The following TRPM3 variants were observed in gnomAD, a reference collection of about 807,000 sequenced individuals.
TRPM3 encodes the protein long transient receptor potential channel 3.
Under a neutral mutation model 181.2 loss-of-function variants are expected in TRPM3, and 77 were observed. The ratio of observed to expected loss-of-function variants is 0.42; its 90% confidence interval spans 0.35 to 0.51. The LOEUF (loss-of-function observed/expected upper bound fraction) is 0.51, where lower values mean the gene tolerates loss of function less well. Among genes scored for constraint, TRPM3 ranks in the 20% least tolerant of loss-of-function variants. TRPM3 has a pLI of 0.01. For synonymous variants in TRPM3, 745 were observed against 796.4 expected, an observed-to-expected ratio of 0.94 and a Z score of 1.09; for missense variants, 1,759 against 2,196.7, an observed-to-expected ratio of 0.80 and a Z score of 3.98.
intron 1 of TRPM3, among the ~76,000 whole-genome samples, chr9:71,115,081 T>C (rs2072030418): frequency 1.3e-5 from 2 of 152,230 alleles, no homozygotes; most frequent in Admixed American, 6.5e-5. Context: ...GATTACATTC[T>C]GAAAATCTGA....
intron 1 of TRPM3, among the ~76,000 whole-genome samples, chr9:71,408,998 C>T (rs1363968241): frequency 6.6e-6 from 1 of 152,102 alleles, no homozygotes; most frequent in Admixed American, 6.6e-5. Flanking sequence ...CATATCCAGC[C>T]AAACTAAGTA....
At chr9:70,905,520 T>G (rs1018919438) in intron 1 of TRPM3, among the ~76,000 whole-genome samples, 1 of 152,168 alleles carries the variant, frequency 6.6e-6, no homozygotes, top group Admixed American at 6.6e-5. Flanking sequence ...TATTTCATAT[T>G]TTTTCAAAAT....
intron 3 of TRPM3, among the ~76,000 whole-genome samples, chr9:70,861,397 C>T (rs2095516036): frequency 6.6e-6 from 1 of 152,124 alleles, no homozygotes; most frequent in African/African-American, 2.4e-5. Flanking sequence ...ATATCTGACA[C>T]TAACTCTTAA....
At chr9:70,893,468 T>C (rs981499036) in intron 1 of TRPM3, among the ~76,000 whole-genome samples, 6 of 152,192 alleles carry the variant, frequency 3.9e-5, no homozygotes, top group African/African-American at 9.7e-5. Context: ...AAATATGTTA[T>C]GATGATGCTA....
intron 9 of TRPM3, among the ~76,000 whole-genome samples, chr9:70,654,583 T>C (rs776076215): frequency 9.9e-5 from 15 of 151,984 alleles, no homozygotes; most frequent in East Asian, 1.9e-4. Context: ...ACAAAACCCC[T>C]AGGCCACAGC....
At chr9:70,841,964 T>G (rs1229594977) in intron 5 of TRPM3, among the ~76,000 whole-genome samples, 2 of 151,880 alleles carry the variant, frequency 1.3e-5, no homozygotes, top group Non-Finnish European at 2.9e-5. Flanking sequence ...AATCACCTGT[T>G]GGGTACGATG....
At position 70,781,464 on chromosome 9, in the gene TRPM3, C is replaced by G. The variant is rs186584675; in HGVS notation, c.1148+2641G>C. On this transcript the variant is annotated intron_variant, in intron 7 of 25. Coordinates refer to ENST00000677713, the MANE Select transcript of TRPM3 (RefSeq NM_001366145.2). ...GATCAGCTTGGACACTGGTTTACAACCAGGAATGCATTGCTTTTGATTTCT... is the reference window on the plus strand; with the variant it reads ...GATCAGCTTGGACACTGGTTTACAAGCAGGAATGCATTGCTTTTGATTTCT... 1.8e-4 allele frequency among the ~76,000 whole-genome samples: 28 copies of G among 151,794 alleles called. 1 individual carries two copies. Among genetic ancestry groups the G allele is most frequent in the East Asian group, 3.9e-4 (2 of 5,164 alleles).
intron 1 of TRPM3, among the ~76,000 whole-genome samples, chr9:70,926,335 T>C (rs1216051212): frequency 6.6e-6 from 1 of 152,188 alleles, no homozygotes; most frequent in Admixed American, 6.5e-5. Flanking sequence ...GACATACTTA[T>C]CTGTGAAGTT....
chr9:70,536,476 T>C lies in TRPM3; in HGVS notation c.4637A>G (p.Asn1546Ser), dbSNP rs2041783872. 1.2e-6 allele frequency: 2 copies of C among 1,614,184 alleles called. No individual in the cohort carries two copies. Among genetic ancestry groups the C allele is most frequent in the Non-Finnish European group, 8.5e-7 (1 of 1,180,030 alleles). Residue 1546 changes from asparagine (N) to serine (S), a missense_variant, in exon 26 of 26, where the codon AAC becomes AGC. Asn to Ser is a conservative substitution (Grantham distance 46). Coordinates refer to ENST00000677713, the MANE Select transcript of TRPM3 (RefSeq NM_001366145.2). ...TGCTGTTTTTACAGGCACCCCAAAG[T>C]TGGCATAATAGCTCCTTGAGGGGGA... ...MFSPSRSYYA[N>S]FGVPVKTAEY...
intron 1 of TRPM3, among the ~76,000 whole-genome samples, chr9:71,288,352 G>A (rs533706712): frequency 6.6e-6 from 1 of 151,928 alleles, no homozygotes; most frequent in South Asian, 2.1e-4. Context: ...ATAATGTACT[G>A]TTTACACATA....
intron 1 of TRPM3, among the ~76,000 whole-genome samples, chr9:71,367,246 AT>A (rs2092364551): frequency 6.6e-6 from 1 of 152,216 alleles, no homozygotes; most frequent in African/African-American, 2.4e-5. Flanking sequence ...TTTGATCAAT[AT>A]GATCAAGACC....
At chr9:71,205,739 T>C (rs1226498290) in intron 1 of TRPM3, among the ~76,000 whole-genome samples, 1 of 152,216 alleles carries the variant, frequency 6.6e-6, no homozygotes, top group African/African-American at 2.4e-5. Flanking sequence ...CATTTACATT[T>C]TGTGTAGTCT....
At chr9:70,759,643 C>A (rs1042285614) in intron 8 of TRPM3, among the ~76,000 whole-genome samples, 33 of 152,186 alleles carry the variant, frequency 2.2e-4, no homozygotes, top group Non-Finnish European at 4.1e-4. Flanking sequence ...CCATGGAATA[C>A]TATGCAGCCA....
chr9:70,865,103 A>G (rs78934848), intron 1 of TRPM3, among the ~76,000 whole-genome samples: 2,745 of 151,960 alleles, frequency 0.018, 101 homozygotes, highest in African/African-American at 0.063. Flanking sequence ...TCATAGTCCA[A>G]AATTTTACAG....
At chr9:71,268,816 C>T in intron 1 of TRPM3, among the ~76,000 whole-genome samples, 1 of 151,560 alleles carries the variant, frequency 6.6e-6, no homozygotes, top group African/African-American at 2.4e-5. Flanking sequence ...AGCGAGGCTC[C>T]ATCTCCAAAA....
At chr9:71,208,960 T>C (rs2079300993) in intron 1 of TRPM3, among the ~76,000 whole-genome samples, 1 of 152,198 alleles carries the variant, frequency 6.6e-6, no homozygotes, top group Non-Finnish European at 1.5e-5. Context: ...TAGCAGTCCA[T>C]GCAACTATTT....
chr9:71,166,871 T>C (rs980406544), intron 1 of TRPM3, among the ~76,000 whole-genome samples: 2 of 152,298 alleles, frequency 1.3e-5, no homozygotes, highest in South Asian at 2.1e-4. Flanking sequence ...GATGCATAGA[T>C]TGAAATTTCA....
chr9:71,174,407 T>C (rs1006973426), intron 1 of TRPM3, among the ~76,000 whole-genome samples: 1 of 151,786 alleles, frequency 6.6e-6, no homozygotes, highest in Non-Finnish European at 1.5e-5. Context: ...CCAGGTGTAG[T>C]GGTAGGTGCC....
At chr9:70,960,175 A>G (rs1041868891) in intron 1 of TRPM3, among the ~76,000 whole-genome samples, 1 of 151,824 alleles carries the variant, frequency 6.6e-6, no homozygotes, top group Non-Finnish European at 1.5e-5. Flanking sequence ...GTTAATTCCA[A>G]TAAAGTAAGT....
Sources: allele counts gnomAD v4.1 joint callset (sites outside exome capture counted in the v4.1 genomes callset), GRCh38; gene constraint gnomAD v4.1.1; transcripts MANE v1.5; gene names NCBI Gene and HGNC (gene_info 2026-07-23, HGNC 2026-07-21).